TMEM181: variants seen among roughly 807,000 people sequenced by gnomAD.
The protein encoded by TMEM181 is G protein-coupled receptor 178.
A neutral mutation model predicts 71.9 loss-of-function variants in TMEM181; 39 were observed. The observed-to-expected ratio is 0.54, with a 90% CI of 0.42 to 0.71. The LOEUF (loss-of-function observed/expected upper bound fraction) is 0.71, where lower values mean the gene tolerates loss of function less well. TMEM181 is among the 30% of genes least tolerant of loss of function. The probability of loss-of-function intolerance (pLI) is 0.00; values close to 1 mark genes in which losing one functional copy is unlikely to be tolerated. For missense variants in TMEM181, 595 were observed against 583.0 expected, an observed-to-expected ratio of 1.02 and a Z score of -0.21; for synonymous variants, 245 against 228.8, an observed-to-expected ratio of 1.07 and a Z score of -0.64.
upstream of TMEM181, among the ~76,000 whole-genome samples, chr6:158,555,179 T>G (rs1289958224): frequency 1.3e-5 from 2 of 152,208 alleles, no homozygotes; most frequent in Non-Finnish European, 2.9e-5. Flanking sequence ...CTTCCTGTGT[T>G]TGTTTGGCTT....
chr6:158,544,754 C>T lies in TMEM181; in HGVS notation c.131+7889C>T, dbSNP rs192902597. Among the ~76,000 whole-genome samples, 14 of 152,240 alleles carry T rather than the reference C, an allele frequency of 9.2e-5. 1 individual carries two copies. The East Asian group carries it at 1.4e-3, about 15-fold the overall frequency. ...GACAGCTCCCTGTAAGGCCTGCCCA[C>T]GCCTCAGGGCTGTGCTTCTCAGAGG... is the stretch of plus-strand genomic sequence containing the variant. On this transcript the variant is annotated intron_variant, in intron 1 of 16. Transcript: ENST00000367090.
upstream of TMEM181, among the ~76,000 whole-genome samples, chr6:158,557,504 A>AATT (rs1218568062): frequency 3.6e-5 from 5 of 140,128 alleles, no homozygotes; most frequent in Non-Finnish European, 7.6e-5. Context: ...TCACAGCTGT[A>AATT]ATTATTTATT....
chr6:158,631,827 T>C lies in TMEM181; in HGVS notation c.1367T>C (p.Met456Thr), dbSNP rs1786680658. 3 of 1,600,370 alleles carry C rather than the reference T, an allele frequency of 1.9e-6. No individual in the cohort carries two copies. Among genetic ancestry groups the C allele is most frequent in the Admixed American group, 3.4e-5 (2 of 58,440 alleles). The change falls in exon 17 of 17, where the codon ATG (methionine) becomes ACG (threonine). Residue 456 changes from methionine (M) to threonine (T), a missense_variant. Coordinates refer to ENST00000684151, the MANE Select transcript of TMEM181 (RefSeq NM_001376852.1). ...GCTCACAGGAGTGACTATGAGGAAATGCCGCTGCAGAACGGCCAGGCCATC... is the reference window on the plus strand; with the variant it reads ...GCTCACAGGAGTGACTATGAGGAAACGCCGCTGCAGAACGGCCAGGCCATC... ...DVIYGSDYEE[M>T]PLQNGQAIRA...
intron 10 of TMEM181, chr6:158,610,454 G>T: frequency 3.4e-6 from 1 of 297,024 alleles, no homozygotes; most frequent in South Asian, 8.9e-5. Context: ...CCCTTTGAAA[G>T]ACAACTTGGA....
Position 158,605,366 on chromosome 6 carries a change from A to G in TMEM181, c.573+19A>G. The G allele has an allele frequency of 1.9e-6, 3 of 1,611,450 alleles. No homozygotes were observed. Among genetic ancestry groups the G allele is most frequent in the Non-Finnish European group, 2.5e-6 (3 of 1,177,950 alleles). On this transcript the variant is annotated intron_variant, in intron 7 of 16. Transcript: ENST00000684151. The stretch of plus-strand genomic sequence containing the variant: ...CGTCACTGTGAGTACCATTCGCCTG[A>G]TGGACCGCAGCAGATCCCAGCCAGG...
chr6:158,569,194 A>G (rs913702593), intron 1 of TMEM181, among the ~76,000 whole-genome samples: 2 of 152,186 alleles, frequency 1.3e-5, no homozygotes, highest in Non-Finnish European at 2.9e-5. Flanking sequence ...AGGGGAAGGC[A>G]TTGATCATCA....
chr6:158,633,595 G>A lies in TMEM181; in HGVS notation c.*1707G>A, dbSNP rs1007892571. 7 of 146,872 alleles carry A rather than the reference G, an allele frequency of 4.8e-5. No homozygotes were observed. The highest frequency in any genetic ancestry group is 1.8e-4 in the African/African-American group (7 of 39,104). 9.1% of individuals were successfully genotyped at this position (146,872 alleles called of 1,614,324 possible). A position where few individuals can be genotyped will look rare whatever the true frequency, so the allele number is the denominator to read the frequency against. Reference sequence around the variant, plus strand: ...CACGTTATCATCCACGTTAAGTAGTGCTAGGTAGGACCTTAGAGATGTTCA... The same window carrying A: ...CACGTTATCATCCACGTTAAGTAGTACTAGGTAGGACCTTAGAGATGTTCA... On this transcript the variant is annotated 3_prime_UTR_variant, in exon 17 of 17. Transcript: ENST00000684151.
At chr6:158,610,751 T>A (rs1452089098) in intron 10 of TMEM181, 1 of 297,018 alleles carries the variant, frequency 3.4e-6, no homozygotes, top group Non-Finnish European at 6.4e-6. Flanking sequence ...CTCGGGCTGC[T>A]CCTCCCAGCC....
intron 10 of TMEM181, among the ~76,000 whole-genome samples, chr6:158,612,417 C>T (rs752584417): frequency 2.6e-5 from 4 of 152,082 alleles, no homozygotes; most frequent in Admixed American, 6.6e-5. Context: ...GGAGCAATGC[C>T]GTCTGTAGAT....
chr6:158,572,034 C>G (rs546684852), intron 1 of TMEM181, among the ~76,000 whole-genome samples: 2 of 152,338 alleles, frequency 1.3e-5, no homozygotes, highest in South Asian at 4.1e-4. Flanking sequence ...GTGGAGCCAC[C>G]TATTCTTTAT....
Position 158,634,853 on chromosome 6 carries a change from G to A in TMEM181, c.*2965G>A, listed in dbSNP as rs181819178. 205 of 152,264 alleles carry A rather than the reference G, an allele frequency of 1.3e-3. 2 individuals are homozygous for A. The highest frequency in any genetic ancestry group is 4.4e-3 in the African/African-American group (184 of 41,542). The allele number at this position is 152,264 out of a possible 1,614,324, so 9.4% of individuals were successfully genotyped here. On this transcript the variant is annotated 3_prime_UTR_variant, in exon 17 of 17. Transcript: ENST00000684151. ...GTAGTTATGTTAAATAGATTATAAT[G>A]TGGTAAATTATTTCCTGAATCCTTT...
upstream of TMEM181, among the ~76,000 whole-genome samples, chr6:158,558,591 A>G (rs1447076258): frequency 6.6e-6 from 1 of 152,218 alleles, no homozygotes; most frequent in South Asian, 2.1e-4. Flanking sequence ...CCACCTGCCA[A>G]TGACAGAAGC....
intron 6 of TMEM181, among the ~76,000 whole-genome samples, chr6:158,593,871 G>C (rs1475900381): frequency 6.6e-6 from 1 of 151,986 alleles, no homozygotes; most frequent in African/African-American, 2.4e-5. Context: ...TCGCACCAAA[G>C]TGGTACATTT....
intron 10 of TMEM181, chr6:158,610,360 G>A: frequency 3.4e-6 from 1 of 290,428 alleles, no homozygotes. Flanking sequence ...ATTTGTCAGG[G>A]TGAGGGTGGC....
intron 10 of TMEM181, chr6:158,610,306 GC>G (rs1311515634): frequency 1.0e-5 from 3 of 291,932 alleles, no homozygotes; most frequent in South Asian, 5.9e-5. Flanking sequence ...ACAGCCAAAG[GC>G]CCCCCAGACC....
rs1785892035 is a variant in TMEM181 at position 158,620,479 on chromosome 6, G to GGCATGCA, written c.897-3065_897-3064insAGCATGC. ...GAATCACCAAAGGGCTTCCCGAACC[G>GGCATGCA]GCATGCGTGAGGAAGAGAGAGGGAG... On this transcript the variant is annotated intron_variant, in intron 10 of 16. Transcript: ENST00000684151. This position sits in a 1 kb window ranked among gnomAD's most constrained non-coding sequence, Gnocchi z 4.5. Among the ~76,000 whole-genome samples, 1 of 152,110 alleles carries GGCATGCA rather than the reference G, an allele frequency of 6.6e-6. No homozygotes were observed. The highest frequency in any genetic ancestry group is 2.4e-5 in the African/African-American group (1 of 41,410).
intron 8 of TMEM181, among the ~76,000 whole-genome samples, chr6:158,608,097 C>T (rs1785055177): frequency 6.6e-6 from 1 of 152,224 alleles, no homozygotes; most frequent in Non-Finnish European, 1.5e-5. Flanking sequence ...ACTACCTTTC[C>T]TTTGGCTCTG....
chr6:158,552,949 G>A (rs1467829769), intron 1 of TMEM181, among the ~76,000 whole-genome samples: 1 of 152,116 alleles, frequency 6.6e-6, no homozygotes, highest in Non-Finnish European at 1.5e-5. Context: ...CAGCACTTTC[G>A]GAGGCTGATG....
chr6:158,628,850 A>G (rs1273981818), intron 14 of TMEM181, among the ~76,000 whole-genome samples: 1 of 152,126 alleles, frequency 6.6e-6, no homozygotes, highest in East Asian at 1.9e-4. Flanking sequence ...TTGCCTCTCC[A>G]CACCGCGGGG....
Sources: allele counts gnomAD v4.1 joint callset (sites outside exome capture counted in the v4.1 genomes callset), GRCh38; gene constraint gnomAD v4.1.1; non-coding constraint Gnocchi (gnomAD v3.1); transcripts MANE v1.5; gene names NCBI Gene and HGNC (gene_info 2026-07-23, HGNC 2026-07-21).